The following ATG4C variants were observed in gnomAD, a reference collection of about 807,000 sequenced individuals.
ATG4C encodes autophagy related 4C cysteine peptidase, also known as cysteine protease ATG4C.
A neutral mutation model predicts 57.6 loss-of-function variants in ATG4C; 56 were observed. That is an observed-to-expected ratio of 0.97 (90% confidence interval 0.78 to 1.21). ATG4C has a LOEUF of 1.21. ATG4C is among the 50% of genes most tolerant of loss of function. The probability of loss-of-function intolerance (pLI) is 0.00; values close to 1 mark genes in which losing one functional copy is unlikely to be tolerated. For synonymous variants in ATG4C, 157 were observed against 174.1 expected (o/e 0.90, Z 0.78); for missense variants, 595 against 529.8 (o/e 1.12, Z -1.21).
chr1:62,860,073 T>A (rs1317423436), intron 10 of ATG4C, among the ~76,000 whole-genome samples: 6 of 152,194 alleles, frequency 3.9e-5, no homozygotes, highest in African/African-American at 1.2e-4. Context: ...CCTTTTAAAC[T>A]TTTTTGTTAA....
chr1:62,862,161 T>C (rs1427937639), intron 10 of ATG4C, among the ~76,000 whole-genome samples: 2 of 152,176 alleles, frequency 1.3e-5, no homozygotes, highest in Non-Finnish European at 2.9e-5. Context: ...AATCAATAAA[T>C]ATTGTGCATA....
At chr1:62,822,579 G>A (rs1057464410) in intron 6 of ATG4C, among the ~76,000 whole-genome samples, 1 of 152,140 alleles carries the variant, frequency 6.6e-6, no homozygotes, top group Non-Finnish European at 1.5e-5. Flanking sequence ...AATGGTTTGT[G>A]TAATTTGAAG....
At chr1:62,834,693 C>A (rs1665943667) in intron 8 of ATG4C, 83 bp from the exon 9 acceptor site, 2 of 1,136,928 alleles carry the variant, frequency 1.8e-6, no homozygotes, top group South Asian at 1.4e-5. Flanking sequence ...TTTTTTTCAG[C>A]TGTTCTACAT....
At chr1:62,791,446 G>A (rs1402507271) in intron 1 of ATG4C, among the ~76,000 whole-genome samples, 1 of 152,152 alleles carries the variant, frequency 6.6e-6, no homozygotes, top group East Asian at 1.9e-4. Context: ...CAGAATAACT[G>A]AAACTGGGTA....
At chr1:62,827,619 A>C (rs967687672) in intron 6 of ATG4C, among the ~76,000 whole-genome samples, 20 of 152,216 alleles carry the variant, frequency 1.3e-4, no homozygotes, top group Non-Finnish European at 7.3e-5. Context: ...GCTAGCTATC[A>C]ATAAGTATCT....
At position 62,864,278 on chromosome 1, in the gene ATG4C, A is replaced by G; in HGVS notation, c.*119A>G. ...ATCTTAATTTTATATGTTCTTTAAAAAAGAACATTTGAAAATATAACAGTT... is the reference window on the plus strand; with the variant it reads ...ATCTTAATTTTATATGTTCTTTAAAGAAGAACATTTGAAAATATAACAGTT... On this transcript the variant is annotated 3_prime_UTR_variant, in exon 11 of 11. Coordinates refer to ENST00000317868, the MANE Select transcript of ATG4C (RefSeq NM_032852.4). The G allele has an allele frequency of 2.4e-6, 2 of 829,720 alleles. No individual in the cohort carries two copies. The highest frequency in any genetic ancestry group is 3.6e-6 in the Non-Finnish European group (2 of 553,782). The allele number at this position is 829,720 out of a possible 1,614,324, so 51.4% of individuals were successfully genotyped here.
rs750155426 is a variant in ATG4C at position 62,861,610 on chromosome 1, CACACACACACACACACAGAG to C, written c.1210-2380_1210-2361del. Among the ~76,000 whole-genome samples the C allele has an allele frequency of 1.6e-4, 15 of 96,004 alleles. No homozygotes were observed. The East Asian group carries it at 5.6e-3, about 36-fold the overall frequency. 63.0% of individuals were successfully genotyped at this position (96,004 alleles called of 152,430 possible). The stretch of plus-strand genomic sequence containing the variant: ...ACACACACACACACACACACACACA[CACACACACACACACACAGAG>C]AGACACAAACACATGAGAAAAATCA... On this transcript the variant is annotated intron_variant, in intron 10 of 10. Transcript: ENST00000317868.
At chr1:62,824,593 TTC>T (rs1665585786) in intron 6 of ATG4C, among the ~76,000 whole-genome samples, 1 of 152,124 alleles carries the variant, frequency 6.6e-6, no homozygotes, top group East Asian at 1.9e-4. Flanking sequence ...TCCTCCTATT[TTC>T]TCTTGAACTG....
intron 3 of ATG4C, among the ~76,000 whole-genome samples, chr1:62,808,809 C>T (rs1224059635): frequency 6.6e-6 from 1 of 152,208 alleles, no homozygotes; most frequent in Non-Finnish European, 1.5e-5. Flanking sequence ...ATATTAACAG[C>T]AGCTAGTCTA....
At chr1:62,823,110 G>T (rs1237293758) in intron 6 of ATG4C, among the ~76,000 whole-genome samples, 1 of 152,150 alleles carries the variant, frequency 6.6e-6, no homozygotes, top group African/African-American at 2.4e-5. Flanking sequence ...AACTGATATT[G>T]TGCCACTGCA....
At chr1:62,811,962 C>A (rs1468703701) in intron 3 of ATG4C, among the ~76,000 whole-genome samples, 1 of 151,974 alleles carries the variant, frequency 6.6e-6, no homozygotes, top group Non-Finnish European at 1.5e-5. Context: ...TTTCTGGGAA[C>A]CTATTGACAA....
chr1:62,844,804 A>C, intron 10 of ATG4C, among the ~76,000 whole-genome samples: 1 of 152,082 alleles, frequency 6.6e-6, no homozygotes, highest in East Asian at 1.9e-4. Flanking sequence ...ACATTTATTA[A>C]ATTTTTTGTT....
intron 6 of ATG4C, among the ~76,000 whole-genome samples, chr1:62,825,234 TAAAAA>T (rs71045856): frequency 2.8e-3 from 357 of 126,994 alleles, no homozygotes; most frequent in East Asian, 4.0e-3. Context: ...AGACTCCGTC[TAAAAA>T]AAAAAAAAAA....
At chr1:62,862,438 A>C (rs929812298) in intron 10 of ATG4C, among the ~76,000 whole-genome samples, 1 of 152,140 alleles carries the variant, frequency 6.6e-6, no homozygotes, top group Non-Finnish European at 1.5e-5. Flanking sequence ...GACTTTTACA[A>C]GTGACATTAA....
intron 3 of ATG4C, among the ~76,000 whole-genome samples, chr1:62,809,090 C>T (rs150303251): frequency 1.8e-4 from 27 of 152,106 alleles, no homozygotes; most frequent in Non-Finnish European, 2.2e-4. Flanking sequence ...TGTGCCACCA[C>T]GCCCAGTTAA....
intron 6 of ATG4C, among the ~76,000 whole-genome samples, chr1:62,824,775 C>G (rs1246952143): frequency 2.6e-5 from 4 of 151,286 alleles, no homozygotes; most frequent in African/African-American, 9.7e-5. Context: ...TCAAGTGTTG[C>G]TCCTGCCTCA....
Position 62,864,197 on chromosome 1 carries a change from T to C in ATG4C, c.*38T>C. 1 of 1,519,816 alleles carries C rather than the reference T, an allele frequency of 6.6e-7. No individual in the cohort carries two copies. The allele number at this position is 1,519,816 out of a possible 1,614,324, so 94.1% of individuals were successfully genotyped here. A position where few individuals can be genotyped will look rare whatever the true frequency, so the allele number is the denominator to read the frequency against. ...TTGTGCTTGATAAGAAGAATTCCAT[T>C]GAAAGGGGAAAAATGAAGAGAAACA... On this transcript the variant is annotated 3_prime_UTR_variant, in exon 11 of 11. Transcript: ENST00000317868.
intron 6 of ATG4C, among the ~76,000 whole-genome samples, chr1:62,826,599 CTTTTT>C (rs143421964): frequency 1.1e-4 from 16 of 147,346 alleles, no homozygotes; most frequent in Admixed American, 1.1e-3. Context: ...TTTTTTCTTT[CTTTTT>C]TTTTTTAATT....
chr1:62,793,505 A>G (rs776503935), intron 1 of ATG4C, among the ~76,000 whole-genome samples: 51 of 144,012 alleles, frequency 3.5e-4, no homozygotes, highest in Non-Finnish European at 9.1e-5. Context: ...CCCAACTACT[A>G]GGGAACTGAG....
Sources: allele counts gnomAD v4.1 joint callset (sites outside exome capture counted in the v4.1 genomes callset), GRCh38; gene constraint gnomAD v4.1.1; transcripts MANE v1.5; gene names NCBI Gene and HGNC (gene_info 2026-07-23, HGNC 2026-07-21).